Variants in VIPR2 observed in about 807,000 individuals in gnomAD.
The protein encoded by VIPR2 is vasoactive intestinal peptide receptor 2.
VIPR2 carries 48 observed loss-of-function variants against 58.0 expected under a neutral mutation model. That is an observed-to-expected ratio of 0.83 (90% CI 0.66 to 1.05). The LOEUF (loss-of-function observed/expected upper bound fraction) is 1.05. VIPR2 is among the 50% of genes least tolerant of loss of function. The pLI, the probability that VIPR2 is intolerant of heterozygous loss-of-function variation, is 0.00. For synonymous variants in VIPR2, 243 were observed against 235.2 expected (o/e 1.03, Z -0.30); for missense variants, 534 against 558.0 (o/e 0.96, Z 0.43).
chr7:159,084,715 G>T (rs2129495049), intron 4 of VIPR2, among the ~76,000 whole-genome samples: 1 of 152,320 alleles, frequency 6.6e-6, no homozygotes, highest in East Asian at 1.9e-4. Flanking sequence ...GCCTCTGCCT[G>T]GTGCTGGCGC....
chr7:159,032,130 G>C, intron 10 of VIPR2, 63 bp from the exon 11 acceptor site: 2 of 1,598,690 alleles, frequency 1.3e-6, no homozygotes, highest in Non-Finnish European at 1.7e-6. Context: ...AAGCCTGGCT[G>C]GGTCCTTCTC....
Position 159,142,391 on chromosome 7 carries a change from G to A in VIPR2, c.151+55C>T, listed in dbSNP as rs138813483. The A allele has an allele frequency of 5.6e-4, 742 of 1,332,244 alleles. 3 individuals carry two copies. The highest frequency in any genetic ancestry group is 5.0e-3 in the African/African-American group (344 of 68,444). The allele number at this position is 1,332,244 out of a possible 1,614,324, so 82.5% of individuals were successfully genotyped here. ...ACCCTGAACCACAGCTGAGTGAGGC[G>A]CATTCCCGGGTGAGAATGTCACGGG... On this transcript the variant is annotated intron_variant, in intron 2 of 12. Transcript: ENST00000262178.
At chr7:159,139,940 C>T (rs1326349186) in intron 2 of VIPR2, among the ~76,000 whole-genome samples, 5 of 152,262 alleles carry the variant, frequency 3.3e-5, no homozygotes, top group Admixed American at 6.5e-5. Context: ...ATACACATAT[C>T]GGCAAGAGAA....
At position 159,095,053 on chromosome 7, in the gene VIPR2, T is replaced by A. The variant is rs1021331813; in HGVS notation, c.357+8704A>T. On this transcript the variant is annotated intron_variant, in intron 4 of 12. Coordinates refer to ENST00000262178, the MANE Select transcript of VIPR2 (RefSeq NM_003382.5). This position sits in a 1 kb window ranked among gnomAD's most constrained non-coding sequence, Gnocchi z 5.2. ...AAGCCACTTCGTGAAATGAGAGGGC[T>A]GAGGTCTCTGAGGGCATCACGGCCA... is the stretch of plus-strand genomic sequence containing the variant. 2.0e-5 allele frequency among the ~76,000 whole-genome samples: 3 copies of A among 152,156 alleles called. No homozygotes were observed. Among genetic ancestry groups the A allele is most frequent in the Non-Finnish European group, 2.9e-5 (2 of 68,036 alleles).
At chr7:159,111,402 G>C (rs994284596) in intron 2 of VIPR2, among the ~76,000 whole-genome samples, 3 of 152,192 alleles carry the variant, frequency 2.0e-5, no homozygotes, top group African/African-American at 7.2e-5. Context: ...AGTAATGGCT[G>C]GGTGTGGTGG....
intron 2 of VIPR2, among the ~76,000 whole-genome samples, chr7:159,122,171 C>T (rs1310670704): frequency 1.3e-5 from 2 of 152,202 alleles, no homozygotes; most frequent in Non-Finnish European, 2.9e-5. Context: ...AGGGACATGA[C>T]GGGTGGCAGG....
In VIPR2 at chr7:159,096,964, G is replaced by C. The variant is rs1361722382; in HGVS notation, c.357+6793C>G. 6.4e-6 allele frequency: 10 copies of C among 1,550,516 alleles called. No individual in the cohort carries two copies. The highest frequency in any genetic ancestry group is 1.4e-5 in the African/African-American group (1 of 73,060). ...TGGCATTGAGCTTGGCACCTGCTGG[G>C]CCTGAGGACCATGAGGGGAGGCTTC... On this transcript the variant is annotated intron_variant, in intron 4 of 12. Transcript: ENST00000262178. The surrounding 1 kb of genome is among the most constrained non-coding windows in gnomAD (Gnocchi z 5.5).
At chr7:159,082,058 G>A (rs919915433) in intron 4 of VIPR2, among the ~76,000 whole-genome samples, 7 of 152,288 alleles carry the variant, frequency 4.6e-5, no homozygotes, top group Admixed American at 2.0e-4. Flanking sequence ...TCGGTGTGGC[G>A]ATTCCTCAGG....
At chr7:159,065,400 C>T (rs545723240) in intron 4 of VIPR2, among the ~76,000 whole-genome samples, 1 of 152,282 alleles carries the variant, frequency 6.6e-6, no homozygotes, top group South Asian at 2.1e-4. Flanking sequence ...CCTGGTGTCT[C>T]GGGTCCCTTC....
rs1853574883 is a variant in VIPR2 at position 159,031,417 on chromosome 7, C to T, written c.1143+411G>A. On this transcript the variant is annotated intron_variant, in intron 12 of 12. Transcript: ENST00000262178. This position sits in a 1 kb window ranked among gnomAD's most constrained non-coding sequence, Gnocchi z 4.0. ...ATGAACGCAGGGCAGAGCTCGGCTC[C>T]GGGCTTCCTCCCCAGGGACTCACAG... 1.0e-6 allele frequency: 1 copy of T among 984,042 alleles called. No individual in the cohort carries two copies. Among genetic ancestry groups the T allele is most frequent in the South Asian group, 4.7e-5 (1 of 21,266 alleles). 61.0% of individuals were successfully genotyped at this position (984,042 alleles called of 1,614,324 possible).
intron 7 of VIPR2, 27 bp from the exon 8 acceptor site, chr7:159,036,039 G>A (rs1853928332): frequency 6.2e-7 from 1 of 1,609,156 alleles, no homozygotes. Context: ...GGTTACACAG[G>A]TGGAGCGGAG....
chr7:159,069,626 CCT>C (rs1365721891), intron 4 of VIPR2, among the ~76,000 whole-genome samples: 1 of 152,040 alleles, frequency 6.6e-6, no homozygotes. Flanking sequence ...GTTTTCTGTC[CCT>C]CTCTCTGCCT....
chr7:159,061,634 CAG>C (rs1855657819), intron 4 of VIPR2, among the ~76,000 whole-genome samples: 2 of 151,046 alleles, frequency 1.3e-5, no homozygotes, highest in Admixed American at 6.6e-5. Context: ...GCCTGGGTGA[CAG>C]AGCGAGGACC....
In VIPR2 at chr7:159,127,674, G is replaced by A. The variant is rs972789133; in HGVS notation, c.151+14772C>T. Among the ~76,000 whole-genome samples the A allele has an allele frequency of 2.0e-5, 3 of 152,118 alleles. No individual in the cohort carries two copies. Among genetic ancestry groups the A allele is most frequent in the African/African-American group, 7.2e-5 (3 of 41,442 alleles). ...GGGCCCTCAGCTTTGGCATGTAAAC[G>A]CATGTGGGCATCAGGAAAATGGATG... On this transcript the variant is annotated intron_variant, in intron 2 of 12. Transcript: ENST00000262178. This position sits in a 1 kb window ranked among gnomAD's most constrained non-coding sequence, Gnocchi z 4.6.
At chr7:159,057,663 T>G (rs1855399957) in intron 5 of VIPR2, among the ~76,000 whole-genome samples, 1 of 152,230 alleles carries the variant, frequency 6.6e-6, no homozygotes. Flanking sequence ...ATAAGCTGAA[T>G]AGCCTCCATT....
rs1460745867 is a variant in VIPR2, at chr7:159,095,419, A to G, written c.357+8338T>C. 6.6e-6 allele frequency among the ~76,000 whole-genome samples: 1 copy of G among 152,180 alleles called. No individual in the cohort carries two copies. Among genetic ancestry groups the G allele is most frequent in the Non-Finnish European group, 1.5e-5 (1 of 68,020 alleles). ...GGAACCTGGCCCTGTTCTTGCAACT[A>G]ACTTCAAAACAGCTGCTAAGAAAGA... is the stretch of plus-strand genomic sequence containing the variant. On this transcript the variant is annotated intron_variant, in intron 4 of 12. Coordinates refer to ENST00000262178, the MANE Select transcript of VIPR2 (RefSeq NM_003382.5). This position sits in a 1 kb window ranked among gnomAD's most constrained non-coding sequence, Gnocchi z 5.2.
intron 5 of VIPR2, among the ~76,000 whole-genome samples, chr7:159,048,641 T>C (rs1457633864): frequency 2.6e-5 from 4 of 152,254 alleles, no homozygotes; most frequent in Non-Finnish European, 5.9e-5. Context: ...ACAACTTTAA[T>C]GTATTATTAA....
chr7:159,091,535 C>A (rs1857503862), intron 4 of VIPR2, among the ~76,000 whole-genome samples: 1 of 152,244 alleles, frequency 6.6e-6, no homozygotes, highest in Admixed American at 6.5e-5. Context: ...AACTGCAGCC[C>A]TCCTTGCCTG....
intron 5 of VIPR2, among the ~76,000 whole-genome samples, chr7:159,046,831 A>G (rs1432301901): frequency 6.6e-6 from 1 of 152,238 alleles, no homozygotes; most frequent in Non-Finnish European, 1.5e-5. Flanking sequence ...TTTTTATTTC[A>G]TTTGTTAGAG....
Sources: gnomAD v4.1 joint callset for allele counts (sites outside exome capture counted in the v4.1 genomes callset) on GRCh38, gnomAD v4.1.1 for gene constraint, Gnocchi (gnomAD v3.1) non-coding constraint, MANE v1.5 for transcripts, NCBI Gene and HGNC (gene_info 2026-07-23, HGNC 2026-07-21) for gene names.